GABPB1: variants seen among roughly 807,000 people sequenced by gnomAD.
GABPB1 encodes the protein GA-binding protein subunit beta-1.
GABPB1 carries 15 observed loss-of-function variants against 45.9 expected under a neutral mutation model. That is an observed-to-expected ratio of 0.33 (90% CI 0.22 to 0.50). GABPB1 has a LOEUF of 0.50. Among genes scored for constraint, GABPB1 ranks in the 20% least tolerant of loss-of-function variants. The pLI is 0.98. For missense variants in GABPB1, 252 were observed against 457.5 expected, an observed-to-expected ratio of 0.55 and a Z score of 4.10; for synonymous variants, 143 against 154.4, an observed-to-expected ratio of 0.93 and a Z score of 0.55.
chr15:50,287,556 GA>G (rs1449140354), intron 7 of GABPB1, among the ~76,000 whole-genome samples: 1 of 152,198 alleles, frequency 6.6e-6, no homozygotes, highest in Non-Finnish European at 1.5e-5. Flanking sequence ...TAGACCATGT[GA>G]GGACAGGCCA....
Position 50,291,009 on chromosome 15 carries a change from C to T in GABPB1, c.698-1341G>A, listed in dbSNP as rs771969921. Among the ~76,000 whole-genome samples, 15 of 152,248 alleles carry T rather than the reference C, an allele frequency of 9.9e-5. 1 individual carries two copies. In the South Asian group the frequency reaches 2.3e-3, roughly 23 times the overall value. On this transcript the variant is annotated intron_variant, in intron 6 of 8. Transcript: ENST00000380877. ...CATACTAGTAAAAAACTACAAACAA[C>T]GCAGATATTCTTTGATAATAAATTA...
intron 1 of GABPB1, among the ~76,000 whole-genome samples, chr15:50,311,642 A>C (rs1347485082): frequency 5.8e-5 from 5 of 85,718 alleles, no homozygotes; most frequent in Non-Finnish European, 1.1e-4. Context: ...GAAAAAACCC[A>C]AAATCGGAAA....
At chr15:50,337,741 T>G (rs971960914) in intron 1 of GABPB1, among the ~76,000 whole-genome samples, 1 of 152,086 alleles carries the variant, frequency 6.6e-6, no homozygotes, top group Non-Finnish European at 1.5e-5. Flanking sequence ...CACTCCAGCC[T>G]GGGTGTCAGA....
At chr15:50,319,481 T>A (rs183313592) in intron 1 of GABPB1, among the ~76,000 whole-genome samples, 53 of 152,266 alleles carry the variant, frequency 3.5e-4, no homozygotes, top group African/African-American at 1.2e-3. Flanking sequence ...CCCCTCCGTA[T>A]GTCCATGTAT....
intron 8 of GABPB1, among the ~76,000 whole-genome samples, chr15:50,281,427 G>A (rs368350590): frequency 1.7e-4 from 26 of 152,210 alleles, no homozygotes; most frequent in East Asian, 7.7e-4. Flanking sequence ...TAGCCAGGAT[G>A]GTCTCAATCT....
chr15:50,330,992 C>T (rs2047929735), intron 1 of GABPB1, among the ~76,000 whole-genome samples: 1 of 152,124 alleles, frequency 6.6e-6, no homozygotes, highest in South Asian at 2.1e-4. Context: ...TACAAAAGGC[C>T]TCTCTGAGGA....
At chr15:50,311,427 AT>A (rs1348398053) in intron 1 of GABPB1, among the ~76,000 whole-genome samples, 1 of 152,218 alleles carries the variant, frequency 6.6e-6, no homozygotes, top group Non-Finnish European at 1.5e-5. Flanking sequence ...GAGAAAATAA[AT>A]TATAAAGAGA....
At chr15:50,346,719 G>A (rs1428076103) in intron 1 of GABPB1, among the ~76,000 whole-genome samples, 1 of 151,274 alleles carries the variant, frequency 6.6e-6, no homozygotes, top group Non-Finnish European at 1.5e-5. Context: ...TCTGGTAAGG[G>A]CCAGCTTCTA....
intron 1 of GABPB1, chr15:50,354,081 C>T (rs1282157289): frequency 3.4e-6 from 1 of 293,960 alleles, no homozygotes; most frequent in African/African-American, 2.4e-5. Context: ...CTGTATCATT[C>T]CTTTGGTTTC....
intron 6 of GABPB1, among the ~76,000 whole-genome samples, chr15:50,296,851 T>C (rs904388678): frequency 2.0e-5 from 3 of 152,046 alleles, no homozygotes; most frequent in African/African-American, 7.2e-5. Context: ...TATGTGCAAA[T>C]TGAGCTTTAA....
chr15:50,309,221 T>C (rs1224158773), intron 2 of GABPB1, among the ~76,000 whole-genome samples: 1 of 152,174 alleles, frequency 6.6e-6, no homozygotes, highest in African/African-American at 2.4e-5. Flanking sequence ...CTTCTTTCCA[T>C]AGTTGTCAAG....
chr15:50,334,325 T>C lies in GABPB1; in HGVS notation c.-1+20660A>G, dbSNP rs377354938. ...TTAAGACTCTCTCACTCTATCCCCA[T>C]ATCTCTTACACTGTCTTCTATATTT... On this transcript the variant is annotated intron_variant, in intron 1 of 8. Coordinates refer to ENST00000380877, the MANE Select transcript of GABPB1 (RefSeq NM_016654.5). Among the ~76,000 whole-genome samples, 6 of 152,192 alleles carry C rather than the reference T, an allele frequency of 3.9e-5. No individual in the cohort carries two copies. In the East Asian group the frequency reaches 1.2e-3, roughly 29 times the overall value.
chr15:50,306,499 C>A, intron 2 of GABPB1, among the ~76,000 whole-genome samples: 1 of 151,864 alleles, frequency 6.6e-6, no homozygotes, highest in East Asian at 1.9e-4. Context: ...TGAGGGTGGG[C>A]GCCTGTTATC....
chr15:50,324,367 G>A (rs1015192454), intron 1 of GABPB1, among the ~76,000 whole-genome samples: 11 of 152,004 alleles, frequency 7.2e-5, no homozygotes, highest in Non-Finnish European at 1.6e-4. Context: ...GTCCTAGAGA[G>A]GGGCTGTACT....
chr15:50,303,474 G>T (rs1292763735), intron 3 of GABPB1, among the ~76,000 whole-genome samples: 1 of 152,164 alleles, frequency 6.6e-6, no homozygotes, highest in Non-Finnish European at 1.5e-5. Flanking sequence ...ACAAGGTCAG[G>T]AGTTCGAGAC....
chr15:50,282,711 A>C (rs1289200757), intron 8 of GABPB1, among the ~76,000 whole-genome samples: 1 of 152,158 alleles, frequency 6.6e-6, no homozygotes, highest in East Asian at 1.9e-4. Flanking sequence ...TTAAGAGAGC[A>C]CTAAGGATCT....
intron 6 of GABPB1, among the ~76,000 whole-genome samples, chr15:50,290,910 T>C (rs1454563255): frequency 6.6e-6 from 1 of 152,182 alleles, no homozygotes; most frequent in South Asian, 2.1e-4. Flanking sequence ...GCCAAAATCC[T>C]TTCTCACAGG....
chr15:50,348,621 T>C (rs984171323), intron 1 of GABPB1, among the ~76,000 whole-genome samples: 5 of 150,226 alleles, frequency 3.3e-5, no homozygotes, highest in African/African-American at 1.2e-4. Context: ...TGCTGCACTT[T>C]GGGAGGCCGA....
At chr15:50,333,559 TA>T (rs1293769292) in intron 1 of GABPB1, among the ~76,000 whole-genome samples, 6 of 152,194 alleles carry the variant, frequency 3.9e-5, no homozygotes, top group African/African-American at 1.4e-4. Context: ...ACTGCTGCTT[TA>T]AATGATCTTT....
Sources: gnomAD v4.1 joint callset for allele counts (sites outside exome capture counted in the v4.1 genomes callset) on GRCh38, gnomAD v4.1.1 for gene constraint, MANE v1.5 for transcripts, NCBI Gene and HGNC (gene_info 2026-07-23, HGNC 2026-07-21) for gene names.